Variants in RBFOX1 observed in about 807,000 individuals in gnomAD.
The protein encoded by RBFOX1 is RNA binding protein fox-1 homolog 1.
In RBFOX1, 8 loss-of-function variants were observed where a neutral mutation model predicts 57.7. That is an observed-to-expected ratio of 0.14 (90% CI 0.08 to 0.25). The LOEUF is 0.25. Among genes scored for constraint, RBFOX1 ranks in the 10% least tolerant of loss-of-function variants. RBFOX1 has a pLI of 1.00. For missense variants in RBFOX1, 611 were observed against 548.5 expected, an observed-to-expected ratio of 1.11 and a Z score of -1.14; for synonymous variants, 326 against 222.4, an observed-to-expected ratio of 1.47 and a Z score of -4.15.
At chr16:6,943,777 C>T (rs920023651) in intron 3 of RBFOX1, among the ~76,000 whole-genome samples, 32 of 151,380 alleles carry the variant, frequency 2.1e-4, no homozygotes, top group Non-Finnish European at 1.8e-4. Context: ...AGCAGCTGAA[C>T]TTCAACCACT....
chr16:6,029,460 A>G (rs2095255364), intron 1 of RBFOX1, among the ~76,000 whole-genome samples: 1 of 152,226 alleles, frequency 6.6e-6, no homozygotes, highest in African/African-American at 2.4e-5. Context: ...GAGAATTTTT[A>G]CAGTTGAATC....
intron 3 of RBFOX1, among the ~76,000 whole-genome samples, chr16:6,850,694 A>G (rs1484932950): frequency 1.3e-5 from 2 of 152,120 alleles, no homozygotes; most frequent in Non-Finnish European, 2.9e-5. Flanking sequence ...AGCTATGCAG[A>G]AAAAAAATCA....
intron 2 of RBFOX1, among the ~76,000 whole-genome samples, chr16:6,631,628 T>C (rs2098386198): frequency 6.6e-6 from 1 of 151,860 alleles, no homozygotes; most frequent in African/African-American, 2.4e-5. Flanking sequence ...GATAGAAAAA[T>C]AAACAAGGAA....
At chr16:6,935,973 G>T (rs1411510640) in intron 3 of RBFOX1, among the ~76,000 whole-genome samples, 1 of 152,178 alleles carries the variant, frequency 6.6e-6, no homozygotes, top group Admixed American at 6.5e-5. Flanking sequence ...CTTACACTCA[G>T]GCAGTGATTG....
chr16:5,967,861 T>G (rs1291110543), intron 4 of RBFOX1, among the ~76,000 whole-genome samples: 1 of 152,218 alleles, frequency 6.6e-6, no homozygotes, highest in Non-Finnish European at 1.5e-5. Context: ...TATTTTGCTT[T>G]GGGGACTGGC....
chr16:6,171,063 G>A (rs906975553), intron 1 of RBFOX1, among the ~76,000 whole-genome samples: 2 of 152,156 alleles, frequency 1.3e-5, no homozygotes, highest in African/African-American at 4.8e-5. Context: ...GCATGCATGT[G>A]TCTTTATGAT....
chr16:7,170,311 C>G (rs1272863043), intron 4 of RBFOX1, among the ~76,000 whole-genome samples: 1 of 152,180 alleles, frequency 6.6e-6, no homozygotes, highest in Non-Finnish European at 1.5e-5. Context: ...CTTGCTCTGT[C>G]TTTCAGACTG....
At chr16:5,260,039 A>G (rs2062694845) in intron 1 of RBFOX1, among the ~76,000 whole-genome samples, 1 of 152,200 alleles carries the variant, frequency 6.6e-6, no homozygotes, top group African/African-American at 2.4e-5. Context: ...TGTCTCTACT[A>G]AAAATACAAA....
At chr16:6,448,885 T>C (rs755553432) in intron 2 of RBFOX1, among the ~76,000 whole-genome samples, 4 of 152,146 alleles carry the variant, frequency 2.6e-5, no homozygotes, top group Non-Finnish European at 4.4e-5. Context: ...AGTTGAGAGA[T>C]AGCAGCCATT....
intron 2 of RBFOX1, among the ~76,000 whole-genome samples, chr16:6,554,744 ACACACAC>A (rs2097062363): frequency 2.0e-5 from 3 of 150,208 alleles, no homozygotes; most frequent in Admixed American, 2.0e-4. Flanking sequence ...ACACACACAC[ACACACAC>A]ACACACAGAC....
chr16:6,420,959 C>T (rs1461750659), intron 2 of RBFOX1, among the ~76,000 whole-genome samples: 4 of 152,186 alleles, frequency 2.6e-5, no homozygotes, highest in Admixed American at 2.6e-4. Context: ...CTGAAGGGCT[C>T]TTTCTTCCAA....
At chr16:5,436,116 T>C (rs1341509896) in intron 1 of RBFOX1, among the ~76,000 whole-genome samples, 3 of 152,162 alleles carry the variant, frequency 2.0e-5, no homozygotes, top group East Asian at 3.9e-4. Context: ...GGGGCAGTCC[T>C]AGAGTCATTA....
At chr16:5,899,789 G>C (rs1597699973) in intron 4 of RBFOX1, among the ~76,000 whole-genome samples, 3 of 152,160 alleles carry the variant, frequency 2.0e-5, no homozygotes, top group Admixed American at 2.0e-4. Context: ...CAGTTCCTTT[G>C]ATGGCCCGGC....
intron 4 of RBFOX1, among the ~76,000 whole-genome samples, chr16:7,251,371 C>T (rs1429659579): frequency 2.0e-5 from 3 of 149,218 alleles, no homozygotes; most frequent in Non-Finnish European, 4.4e-5. Context: ...GGCTGAATGA[C>T]ATTCCATTGT....
At chr16:5,602,284 A>G (rs1331968987), downstream of RBFOX1, among the ~76,000 whole-genome samples, 1 of 152,164 alleles carries the variant, frequency 6.6e-6, no homozygotes, top group Non-Finnish European at 1.5e-5. Flanking sequence ...TCTTTGGTCT[A>G]GCAATTACAC....
At chr16:5,911,069 C>A (rs943191872) in intron 4 of RBFOX1, among the ~76,000 whole-genome samples, 1 of 152,182 alleles carries the variant, frequency 6.6e-6, no homozygotes, top group Non-Finnish European at 1.5e-5. Context: ...GGATCTTTGA[C>A]TTAGCATCTG....
At chr16:7,587,189 A>T in intron 6 of RBFOX1, 58 bp from the exon 7 acceptor site, 2 of 1,437,576 alleles carry the variant, frequency 1.4e-6, no homozygotes, top group Non-Finnish European at 1.8e-6. Flanking sequence ...ACTACTGTAC[A>T]TAGTAATGTC....
At chr16:7,395,035 T>G (rs960679402) in intron 4 of RBFOX1, among the ~76,000 whole-genome samples, 1 of 152,198 alleles carries the variant, frequency 6.6e-6, no homozygotes, top group Non-Finnish European at 1.5e-5. Context: ...AGGTGTATAA[T>G]AAGTTTGCCG....
At chr16:5,424,878 TC>T (rs1272743429) in intron 1 of RBFOX1, among the ~76,000 whole-genome samples, 170 of 11,080 alleles carry the variant, frequency 0.015, 3 homozygotes, top group South Asian at 0.027. Context: ...TTCTTTTTTT[TC>T]TTTCTTTCTT....
Sources: gnomAD v4.1 joint callset for allele counts (sites outside exome capture counted in the v4.1 genomes callset) on GRCh38, gnomAD v4.1.1 for gene constraint, MANE v1.5 for transcripts, NCBI Gene and HGNC (gene_info 2026-07-23, HGNC 2026-07-21) for gene names.